The following FIBCD1 variants were observed in gnomAD, a reference collection of about 807,000 sequenced individuals.
FIBCD1 encodes the protein fibrinogen C domain containing 1.
In FIBCD1, 47 loss-of-function variants were observed where a neutral mutation model predicts 45.1. The observed-to-expected ratio is 1.04, with a 90% CI of 0.82 to 1.33. The LOEUF (loss-of-function observed/expected upper bound fraction) is 1.33. Ranked by LOEUF, FIBCD1 falls within the 40% of genes most tolerant of loss-of-function variation. FIBCD1 has a pLI of 0.00. For missense variants in FIBCD1, 653 were observed against 682.2 expected (o/e 0.96, Z 0.48); for synonymous variants, 313 against 308.1 (o/e 1.02, Z -0.17).
chr9:130,910,504 G>T (rs1013432526), intron 5 of FIBCD1, among the ~76,000 whole-genome samples: 25 of 152,254 alleles, frequency 1.6e-4, no homozygotes, highest in Non-Finnish European at 3.7e-4. Flanking sequence ...GCTGAGGAGT[G>T]CAGGCACACG....
At position 130,903,423 on chromosome 9, in the gene FIBCD1, C is replaced by G. The variant is rs3802345; in HGVS notation, c.*641G>C. ...CACAGGGTGGGTGGCCTCCAGGGAACTGGTCTCAGCCTTGGAGCGTGGGTC... is the reference window on the plus strand; with the variant it reads ...CACAGGGTGGGTGGCCTCCAGGGAAGTGGTCTCAGCCTTGGAGCGTGGGTC... On this transcript the variant is annotated 3_prime_UTR_variant, in exon 7 of 7. Coordinates refer to ENST00000372338, the MANE Select transcript of FIBCD1 (RefSeq NM_032843.5). 3.5e-4 allele frequency: 56 copies of G among 158,962 alleles called. 1 individual carries two copies. In the East Asian group the frequency reaches 7.7e-3, roughly 22 times the overall value. The allele number at this position is 158,962 out of a possible 1,614,324, so 9.8% of individuals were successfully genotyped here.
At position 130,924,349 on chromosome 9, in the gene FIBCD1, G is replaced by A; in HGVS notation, c.600C>T (p.Val200=). The part of the protein sequence containing the change: ...QGHMAHLVNS[V]SDILDALQRD... ...TCTGCAGGGCATCCAGGATGTCGCT[G>A]ACGGAGTTCACCAGGTGAGCCATGT... Residue 200 remains valine, a synonymous_variant, in exon 3 of 7, where the codon GTC becomes GTT. Transcript: ENST00000372338. 6.2e-7 allele frequency: 1 copy of A among 1,609,364 alleles called. No individual in the cohort carries two copies. Among genetic ancestry groups the A allele is most frequent in the South Asian group, 1.1e-5 (1 of 89,874 alleles).
At chr9:130,916,043 C>T (rs1170976272) in intron 4 of FIBCD1, among the ~76,000 whole-genome samples, 1 of 152,210 alleles carries the variant, frequency 6.6e-6, no homozygotes, top group African/African-American at 2.4e-5. Context: ...AATTCTCTGC[C>T]TCAGCCTCCT....
chr9:130,931,464 A>G (rs1588113404), intron 1 of FIBCD1, among the ~76,000 whole-genome samples: 2 of 152,352 alleles, frequency 1.3e-5, no homozygotes, highest in Middle Eastern at 6.8e-3. Flanking sequence ...AGCCAAGACC[A>G]TGACACTGAA....
At chr9:130,911,372 C>T (rs1315495980) in intron 5 of FIBCD1, among the ~76,000 whole-genome samples, 1 of 152,234 alleles carries the variant, frequency 6.6e-6, no homozygotes, top group African/African-American at 2.4e-5. Context: ...GCACCACTGG[C>T]CACTCTTGGG....
chr9:130,917,598 C>T (rs771261224), intron 4 of FIBCD1, among the ~76,000 whole-genome samples: 22 of 152,230 alleles, frequency 1.4e-4, no homozygotes, highest in Non-Finnish European at 2.1e-4. Context: ...GGTTGCATCC[C>T]GCCCAGGGCT....
chr9:130,924,695 G>A (rs950781033), intron 2 of FIBCD1, among the ~76,000 whole-genome samples: 1 of 152,172 alleles, frequency 6.6e-6, no homozygotes, highest in Non-Finnish European at 1.5e-5. Context: ...TGCGTTCTTC[G>A]GCCATCTCTT....
intron 1 of FIBCD1, among the ~76,000 whole-genome samples, chr9:130,935,883 G>A (rs536944140): frequency 6.6e-6 from 1 of 152,182 alleles, no homozygotes; most frequent in African/African-American, 2.4e-5. Flanking sequence ...GTGACCTACT[G>A]GTGCTTGGAG....
chr9:130,905,593 C>G (rs1385278689), intron 5 of FIBCD1, among the ~76,000 whole-genome samples, 180 bp from the exon 6 acceptor site: 1 of 152,232 alleles, frequency 6.6e-6, no homozygotes, highest in Non-Finnish European at 1.5e-5. Flanking sequence ...GGGCAAGCCA[C>G]TGAGGACCGA....
intron 2 of FIBCD1, among the ~76,000 whole-genome samples, chr9:130,925,070 A>G (rs1023725081): frequency 2.0e-5 from 3 of 152,054 alleles, no homozygotes; most frequent in Non-Finnish European, 2.9e-5. Flanking sequence ...GGGAGGCCAC[A>G]GGAGCCTTTG....
intron 2 of FIBCD1, among the ~76,000 whole-genome samples, chr9:130,924,689 TTCTTCGGCCATC>T (rs912846508): frequency 8.5e-5 from 13 of 152,196 alleles, no homozygotes; most frequent in Non-Finnish European, 1.5e-5. Flanking sequence ...CCAGGCTGCG[TTCTTCGGCCATC>T]TCTTCGGCCC....
intron 5 of FIBCD1, among the ~76,000 whole-genome samples, 199 bp downstream of exon 5, chr9:130,911,593 A>C (rs530389653): frequency 7.2e-5 from 11 of 152,306 alleles, no homozygotes; most frequent in Non-Finnish European, 8.8e-5. Context: ...ACCCACGCTG[A>C]CACTTCCGTT....
chr9:130,911,765 G>A (rs1430194566), intron 5 of FIBCD1, 27 bp downstream of exon 5: 3 of 1,575,088 alleles, frequency 1.9e-6, no homozygotes, highest in Admixed American at 3.6e-5. Context: ...AGGCCCACCT[G>A]GGCCGGATGG....
intron 2 of FIBCD1, among the ~76,000 whole-genome samples, chr9:130,927,989 G>A (rs968689291): frequency 6.6e-6 from 1 of 152,180 alleles, no homozygotes; most frequent in Non-Finnish European, 1.5e-5. Flanking sequence ...AGCACCTCTG[G>A]CGATTCCAAC....
intron 5 of FIBCD1, among the ~76,000 whole-genome samples, chr9:130,909,129 C>T (rs933749844): frequency 1.3e-5 from 2 of 152,116 alleles, no homozygotes; most frequent in Admixed American, 6.5e-5. Flanking sequence ...CCCGCTCGCT[C>T]GCAGGGGAGT....
chr9:130,910,049 G>A (rs1177179172), intron 5 of FIBCD1, among the ~76,000 whole-genome samples: 1 of 152,256 alleles, frequency 6.6e-6, no homozygotes, highest in Non-Finnish European at 1.5e-5. Context: ...GCCCACCGCT[G>A]CGCTGTGGGA....
At chr9:130,909,269 G>A (rs1394754440) in intron 5 of FIBCD1, among the ~76,000 whole-genome samples, 2 of 34,988 alleles carry the variant, frequency 5.7e-5, no homozygotes, top group Non-Finnish European at 1.2e-4. Context: ...CCCCTCCGCC[G>A]CCCCTCGCCC....
Position 130,911,808 on chromosome 9 carries a change from G to A in FIBCD1, c.930C>T (p.Thr310=), listed in dbSNP as rs780867280. The A allele has an allele frequency of 1.1e-5, 18 of 1,602,822 alleles. No individual in the cohort carries two copies. Among genetic ancestry groups the A allele is most frequent in the Admixed American group, 3.4e-5 (2 of 59,086 alleles). Residue 310 remains threonine, a synonymous_variant, in exon 5 of 7, where the codon ACC becomes ACT. Transcript: ENST00000372338. The part of the protein sequence containing the change: ...DAYRDGFGRL[T]GEHWLGLKRI... ...GGTGCTCACCTAGCCAGTGCTCCCC[G>A]GTGAGCCTGCCAAAGCCGTCTCGGT...
At chr9:130,930,787 G>A (rs1832437467) in intron 1 of FIBCD1, 1 of 456,120 alleles carries the variant, frequency 2.2e-6, no homozygotes, top group African/African-American at 2.0e-5. Flanking sequence ...CTGAGCCTCA[G>A]TTTCCTCGCC....
Sources: allele counts gnomAD v4.1 joint callset (sites outside exome capture counted in the v4.1 genomes callset), GRCh38; gene constraint gnomAD v4.1.1; transcripts MANE v1.5; gene names NCBI Gene and HGNC (gene_info 2026-07-23, HGNC 2026-07-21).